Variants in ADCY2 observed in about 807,000 individuals in gnomAD.
ADCY2 encodes adenylate cyclase 2, also known as adenylate cyclase type 2.
A neutral mutation model predicts 125.2 loss-of-function variants in ADCY2; 31 were observed. That is an observed-to-expected ratio of 0.25 (90% confidence interval 0.19 to 0.33). The LOEUF (loss-of-function observed/expected upper bound fraction) is 0.33, where lower values mean the gene tolerates loss of function less well. ADCY2 is among the 10% of genes least tolerant of loss of function. The pLI, the probability that ADCY2 is intolerant of heterozygous loss-of-function variation, is 1.00. For missense variants in ADCY2, 904 were observed against 1,418.2 expected (o/e 0.64, Z 5.82); for synonymous variants, 512 against 548.4 (o/e 0.93, Z 0.93).
At chr5:7,400,178 A>G (rs955891797) in intron 1 of ADCY2, among the ~76,000 whole-genome samples, 6 of 152,232 alleles carry the variant, frequency 3.9e-5, no homozygotes, top group African/African-American at 1.4e-4. Context: ...GGAATAGTCA[A>G]TATTTCAATA....
At chr5:7,663,435 G>C (rs184014819) in intron 4 of ADCY2, among the ~76,000 whole-genome samples, 12 of 152,356 alleles carry the variant, frequency 7.9e-5, no homozygotes, top group African/African-American at 2.4e-4. Context: ...CCCACGGGGG[G>C]GCCTGGAGCC....
chr5:7,692,477 C>T (rs1400000726), intron 5 of ADCY2, among the ~76,000 whole-genome samples: 1 of 152,172 alleles, frequency 6.6e-6, no homozygotes, highest in Admixed American at 6.5e-5. Flanking sequence ...AAAGTTCACA[C>T]ATGTTAAGGA....
At chr5:7,654,561 G>A (rs2126685502) in intron 4 of ADCY2, among the ~76,000 whole-genome samples, 1 of 152,310 alleles carries the variant, frequency 6.6e-6, no homozygotes, top group East Asian at 1.9e-4. Flanking sequence ...TAGTGACATA[G>A]GCGGGGATGC....
intron 23 of ADCY2, among the ~76,000 whole-genome samples, chr5:7,818,707 C>G (rs1452865058): frequency 6.6e-6 from 1 of 152,068 alleles, no homozygotes; most frequent in Non-Finnish European, 1.5e-5. Context: ...ATAGTAAACC[C>G]CTATCGGGGG....
At chr5:7,770,398 C>T (rs543590750) in intron 17 of ADCY2, among the ~76,000 whole-genome samples, 11 of 152,084 alleles carry the variant, frequency 7.2e-5, no homozygotes, top group Admixed American at 2.0e-4. Flanking sequence ...CTCTCTCATT[C>T]GATTAGGCTG....
chr5:7,810,913 G>A (rs1176388487), intron 22 of ADCY2, among the ~76,000 whole-genome samples: 1 of 152,168 alleles, frequency 6.6e-6, no homozygotes, highest in South Asian at 2.1e-4. Context: ...GTCTTAACAA[G>A]TATGTAAATA....
intron 17 of ADCY2, among the ~76,000 whole-genome samples, chr5:7,769,004 A>G (rs537389116): frequency 2.6e-5 from 4 of 152,314 alleles, no homozygotes; most frequent in Admixed American, 2.0e-4. Context: ...AACAGGCGTC[A>G]TTTCTCTCAA....
At chr5:7,757,302 G>C (rs149499160) in intron 15 of ADCY2, 147 bp from the exon 16 acceptor site, 4 of 999,318 alleles carry the variant, frequency 4.0e-6, no homozygotes, top group South Asian at 1.8e-5. Flanking sequence ...TTGTGACTTC[G>C]TATGGGTCCC....
intron 11 of ADCY2, 47 bp downstream of exon 11, chr5:7,712,946 T>A: frequency 7.3e-7 from 1 of 1,367,966 alleles, no homozygotes; most frequent in Non-Finnish European, 1.0e-6. Flanking sequence ...TGCTCTTTAT[T>A]CATTTCTGAG....
chr5:7,556,792 G>T (rs1284370712), intron 3 of ADCY2, among the ~76,000 whole-genome samples: 2 of 152,066 alleles, frequency 1.3e-5, no homozygotes, highest in Admixed American at 6.6e-5. Flanking sequence ...CACGTGCAAG[G>T]GATCTAGGTT....
chr5:7,804,069 A>AGAGAGAGAGAGAGAGAGAGAGC (rs1553990875), intron 21 of ADCY2, among the ~76,000 whole-genome samples: 14 of 140,504 alleles, frequency 1.0e-4, no homozygotes, highest in African/African-American at 1.3e-4. Flanking sequence ...AGAGAGAGAG[A>AGAGAGAGAGAGAGAGAGAGAGC]GAGAGCTGGT....
At chr5:7,785,352 C>G (rs760514764) in intron 19 of ADCY2, among the ~76,000 whole-genome samples, 11 of 152,172 alleles carry the variant, frequency 7.2e-5, no homozygotes, top group Non-Finnish European at 1.5e-4. Flanking sequence ...GGACAACTGT[C>G]CTCTAGCTTC....
At chr5:7,455,218 G>T (rs954806106) in intron 2 of ADCY2, among the ~76,000 whole-genome samples, 1 of 152,168 alleles carries the variant, frequency 6.6e-6, no homozygotes, top group Non-Finnish European at 1.5e-5. Context: ...ATTAGCTAAG[G>T]CACCACAGTT....
At chr5:7,650,523 G>A (rs551880452) in intron 4 of ADCY2, among the ~76,000 whole-genome samples, 3 of 152,240 alleles carry the variant, frequency 2.0e-5, no homozygotes, top group Admixed American at 6.5e-5. Flanking sequence ...AGTAGCAGAA[G>A]TGCACCTCCA....
chr5:7,709,426 G>T lies in ADCY2; in HGVS notation c.1578+39G>T, dbSNP rs1259661177. The T allele has an allele frequency of 2.7e-6, 4 of 1,509,304 alleles. No individual in the cohort carries two copies. The African/African-American group carries it at 5.7e-5, about 21-fold the overall frequency. The allele number at this position is 1,509,304 out of a possible 1,614,324, so 93.5% of individuals were successfully genotyped here. On this transcript the variant is annotated intron_variant, in intron 10 of 24. Transcript: ENST00000338316. This position sits in a 1 kb window ranked among gnomAD's most constrained non-coding sequence, Gnocchi z 4.4. The stretch of plus-strand genomic sequence containing the variant: ...TGCCTCCAATGCCTGAGCACTGGGG[G>T]AAAGCTAACTTCCCAAAACCAAAGG...
At chr5:7,650,444 A>C (rs1428541082) in intron 4 of ADCY2, among the ~76,000 whole-genome samples, 1 of 152,138 alleles carries the variant, frequency 6.6e-6, no homozygotes, top group Non-Finnish European at 1.5e-5. Flanking sequence ...CGATTAAGTA[A>C]AATTCAGGGA....
At chr5:7,504,617 C>CT (rs563915228) in intron 2 of ADCY2, among the ~76,000 whole-genome samples, 1,980 of 137,914 alleles carry the variant, frequency 0.014, 24 homozygotes, top group African/African-American at 0.031. Context: ...TTTTTTCTTT[C>CT]TTTTTTTTTT....
chr5:7,608,085 GAATT>G (rs1737444053), intron 3 of ADCY2, among the ~76,000 whole-genome samples: 9 of 152,094 alleles, frequency 5.9e-5, no homozygotes, highest in Admixed American at 5.9e-4. Context: ...AGGCAAAAAA[GAATT>G]AATTAATTAC....
intron 4 of ADCY2, among the ~76,000 whole-genome samples, chr5:7,680,353 T>C (rs569464155): frequency 6.6e-6 from 1 of 152,190 alleles, no homozygotes; most frequent in Non-Finnish European, 1.5e-5. Flanking sequence ...CTCAAAATGC[T>C]GATAGCGCTG....
Sources: allele counts gnomAD v4.1 joint callset (sites outside exome capture counted in the v4.1 genomes callset), GRCh38; gene constraint gnomAD v4.1.1; non-coding constraint Gnocchi (gnomAD v3.1); transcripts MANE v1.5; gene names NCBI Gene and HGNC (gene_info 2026-07-23, HGNC 2026-07-21).